SHISA9: variants seen among roughly 807,000 people sequenced by gnomAD.
SHISA9 encodes the protein shisa family member 9, also known as protein shisa-9.
A neutral mutation model predicts 38.0 loss-of-function variants in SHISA9; 13 were observed. The observed-to-expected ratio is 0.34, with a 90% CI of 0.22 to 0.54. The LOEUF (loss-of-function observed/expected upper bound fraction) is 0.54. Among genes scored for constraint, SHISA9 ranks in the 20% least tolerant of loss-of-function variants. The pLI, the probability that SHISA9 is intolerant of heterozygous loss-of-function variation, is 0.91. For missense variants in SHISA9, 538 were observed against 575.8 expected, an observed-to-expected ratio of 0.93 and a Z score of 0.67; for synonymous variants, 275 against 242.0, an observed-to-expected ratio of 1.14 and a Z score of -1.27.
At chr16:13,288,905 C>T in the SHISA9 span, among the ~76,000 whole-genome samples, 2 of 152,214 alleles carry the variant, frequency 1.3e-5, no homozygotes, top group East Asian at 3.9e-4. Flanking sequence ...CCTTAAAGAC[C>T]CCATCTCCAA....
chr16:13,058,782 T>TGTGA (rs2073339795), intron 2 of SHISA9, among the ~76,000 whole-genome samples: 1 of 151,510 alleles, frequency 6.6e-6, no homozygotes, highest in African/African-American at 2.4e-5. Flanking sequence ...TGTGTGTGTG[T>TGTGA]GAATGTGTAT....
chr16:13,086,866 A>T (rs934042528), intron 2 of SHISA9, among the ~76,000 whole-genome samples: 1 of 151,708 alleles, frequency 6.6e-6, no homozygotes, highest in Non-Finnish European at 1.5e-5. Context: ...TATTATTATT[A>T]TACTTTAAGT....
At chr16:13,416,747 G>GA in the SHISA9 span, among the ~76,000 whole-genome samples, 5 of 72,170 alleles carry the variant, frequency 6.9e-5, 1 homozygote, top group Admixed American at 1.4e-4. Context: ...AGAAAGAAAG[G>GA]AAGGAAGGAA....
intron 2 of SHISA9, among the ~76,000 whole-genome samples, chr16:12,932,722 G>T (rs928401950): frequency 6.6e-6 from 1 of 152,188 alleles, no homozygotes; most frequent in South Asian, 2.1e-4. Context: ...AATACAGTTT[G>T]GTCTGACTCT....
intron 2 of SHISA9, among the ~76,000 whole-genome samples, chr16:13,171,024 G>T (rs1249148221): frequency 1.3e-5 from 2 of 152,190 alleles, no homozygotes; most frequent in Non-Finnish European, 2.9e-5. Context: ...TCACCCTTCT[G>T]CAGGCTGTAC....
chr16:13,518,921 G>T, the SHISA9 span, among the ~76,000 whole-genome samples: 1 of 152,024 alleles, frequency 6.6e-6, no homozygotes, highest in African/African-American at 2.4e-5. Flanking sequence ...GAAAAAAGGG[G>T]GTGAACTTTC....
chr16:13,242,597 G>A (rs1344274953), downstream of SHISA9, among the ~76,000 whole-genome samples: 2 of 152,204 alleles, frequency 1.3e-5, no homozygotes, highest in Non-Finnish European at 2.9e-5. Flanking sequence ...CTGACTCCAG[G>A]AGACTTGGCT....
chr16:13,537,680 A>G, the SHISA9 span, among the ~76,000 whole-genome samples: 2 of 152,202 alleles, frequency 1.3e-5, no homozygotes, highest in East Asian at 3.8e-4. Flanking sequence ...TTGTATCTTG[A>G]TTATGGTACA....
chr16:13,480,732 C>A, the SHISA9 span, among the ~76,000 whole-genome samples: 1 of 151,156 alleles, frequency 6.6e-6, no homozygotes, highest in African/African-American at 2.5e-5. Flanking sequence ...AGATAAGGGG[C>A]TGAGAATGGC....
At chr16:13,249,941 C>T in the SHISA9 span, among the ~76,000 whole-genome samples, 1 of 152,116 alleles carries the variant, frequency 6.6e-6, no homozygotes, top group Non-Finnish European at 1.5e-5. Flanking sequence ...GCTATGTTGC[C>T]CAGACTGGTC....
At chr16:13,433,937 A>G in the SHISA9 span, among the ~76,000 whole-genome samples, 1 of 152,212 alleles carries the variant, frequency 6.6e-6, no homozygotes, top group Non-Finnish European at 1.5e-5. Flanking sequence ...TGTATGTATG[A>G]AAGACAGTTT....
At position 12,909,055 on chromosome 16, in the gene SHISA9, T is replaced by C. The variant is rs112105373; in HGVS notation, c.563+6428T>C. 4.0e-6 allele frequency: 4 copies of C among 997,096 alleles called. No homozygotes were observed. The African/African-American group carries it at 5.2e-5, about 13-fold the overall frequency. The allele number at this position is 997,096 out of a possible 1,614,324, so 61.8% of individuals were successfully genotyped here. ...TTCTCTCCTGCCTCTCATCTTTCTA[T>C]GCATTTGTGGTTATCCTAAGGCTTT... On this transcript the variant is annotated intron_variant, in intron 1 of 4. Coordinates refer to ENST00000558583, the MANE Select transcript of SHISA9 (RefSeq NM_001145204.3).
chr16:13,203,612 T>G, intron 3 of SHISA9, 63 bp downstream of exon 3: 2 of 1,380,264 alleles, frequency 1.4e-6, no homozygotes, highest in East Asian at 5.4e-5. Flanking sequence ...CTGCTTCTTG[T>G]AGATCTCTTT....
intron 2 of SHISA9, among the ~76,000 whole-genome samples, chr16:12,946,137 G>T (rs2071685729): frequency 6.6e-6 from 1 of 152,170 alleles, no homozygotes; most frequent in African/African-American, 2.4e-5. Flanking sequence ...CTTTGTCAAA[G>T]ACCAGATGGT....
At chr16:13,230,351 G>A (rs2051319867) in intron 4 of SHISA9, among the ~76,000 whole-genome samples, 1 of 152,240 alleles carries the variant, frequency 6.6e-6, no homozygotes, top group Non-Finnish European at 1.5e-5. Context: ...GGCCAGTTTG[G>A]TTACTGAAGG....
chr16:13,186,540 C>G (rs776585175), intron 2 of SHISA9, among the ~76,000 whole-genome samples: 1 of 152,196 alleles, frequency 6.6e-6, no homozygotes, highest in East Asian at 1.9e-4. Flanking sequence ...TCGTGATACA[C>G]CCGCCTCTGC....
the SHISA9 span, chr16:13,458,700 A>C: frequency 3.0e-4 from 72 of 242,436 alleles, no homozygotes; most frequent in African/African-American, 1.7e-3. Context: ...AGGATGTAAA[A>C]AAAAAATTTA....
At chr16:13,423,231 C>A in the SHISA9 span, among the ~76,000 whole-genome samples, 1 of 152,178 alleles carries the variant, frequency 6.6e-6, no homozygotes, top group Admixed American at 6.5e-5. Flanking sequence ...CTTCAATATT[C>A]CAGGCAGTAC....
intron 2 of SHISA9, among the ~76,000 whole-genome samples, chr16:13,102,668 C>T (rs145770530): frequency 6.6e-6 from 1 of 152,278 alleles, no homozygotes; most frequent in African/African-American, 2.4e-5. Context: ...TCTAGACTCC[C>T]CTCTCCTTCC....
Sources: allele counts gnomAD v4.1 joint callset (sites outside exome capture counted in the v4.1 genomes callset), GRCh38; gene constraint gnomAD v4.1.1; transcripts MANE v1.5; gene names NCBI Gene and HGNC (gene_info 2026-07-23, HGNC 2026-07-21).